HPCAL1: variants seen among roughly 807,000 people sequenced by gnomAD.
The protein encoded by HPCAL1 is hippocalcin-like protein 1.
In HPCAL1, 8 loss-of-function variants were observed where a neutral mutation model predicts 17.1. The observed-to-expected ratio is 0.47, with a 90% CI of 0.27 to 0.84. The LOEUF is 0.84. Among genes scored for constraint, HPCAL1 ranks in the 40% least tolerant of loss-of-function variants. The probability of loss-of-function intolerance (pLI) is 0.13; values close to 1 mark genes in which losing one functional copy is unlikely to be tolerated. For missense variants in HPCAL1, 165 were observed against 271.1 expected (o/e 0.61, Z 2.75); for synonymous variants, 112 against 111.4 (o/e 1.01, Z -0.03).
chr2:10,393,169 A>G (rs2125566403), intron 1 of HPCAL1, among the ~76,000 whole-genome samples: 1 of 152,332 alleles, frequency 6.6e-6, no homozygotes, highest in East Asian at 1.9e-4. Flanking sequence ...ACATAACTCA[A>G]CATAATTATT....
intron 1 of HPCAL1, among the ~76,000 whole-genome samples, chr2:10,349,839 CTT>C (rs1665729458): frequency 6.7e-6 from 1 of 148,798 alleles, no homozygotes; most frequent in Non-Finnish European, 1.5e-5. Context: ...CAAGACCTCT[CTT>C]GGATTATGGG....
chr2:10,374,829 T>A (rs1036989675), intron 1 of HPCAL1, among the ~76,000 whole-genome samples: 4 of 152,210 alleles, frequency 2.6e-5, no homozygotes, highest in Non-Finnish European at 5.9e-5. Context: ...TGTTGTTGGC[T>A]GATGTTGGCT....
At position 10,345,027 on chromosome 2, in the gene HPCAL1, CTA is replaced by C. The variant is rs565188538; in HGVS notation, c.-111+41852_-111+41853del. ...CCTTTCAGTCTCTTTCTGCCTCTCT[CTA>C]TGTGTCTGTTTCTCTCTCTCTCTCT... On this transcript the variant is annotated intron_variant, in intron 1 of 4. Coordinates refer to ENST00000307845, the MANE Select transcript of HPCAL1 (RefSeq NM_002149.4). Among the ~76,000 whole-genome samples, 462 of 152,036 alleles carry C rather than the reference CTA, an allele frequency of 3.0e-3. 7 individuals are homozygous for C. The highest frequency in any genetic ancestry group is 0.01 in the African/African-American group (430 of 41,402).
chr2:10,396,431 T>G (rs931517643), intron 1 of HPCAL1, among the ~76,000 whole-genome samples: 5 of 151,862 alleles, frequency 3.3e-5, no homozygotes, highest in African/African-American at 1.2e-4. Context: ...GAGTGTAGAG[T>G]GCTGGGTGAG....
chr2:10,333,897 G>T (rs897152772), intron 1 of HPCAL1, among the ~76,000 whole-genome samples: 18 of 152,216 alleles, frequency 1.2e-4, no homozygotes, highest in African/African-American at 4.3e-4. Flanking sequence ...AATGTCATCT[G>T]TGTCCAGATT....
At chr2:10,325,544 GGCCTGCTCAGAGCAGGTTTCCA>G (rs1440051084) in intron 1 of HPCAL1, among the ~76,000 whole-genome samples, 1 of 151,664 alleles carries the variant, frequency 6.6e-6, no homozygotes, top group African/African-American at 2.4e-5. Context: ...CTTCTGCAGA[GGCCTGCTCAGAGCAGGTTTCCA>G]GCAACCTTCC....
chr2:10,328,073 A>T (rs1307772331), intron 1 of HPCAL1, among the ~76,000 whole-genome samples: 1 of 152,208 alleles, frequency 6.6e-6, no homozygotes, highest in Non-Finnish European at 1.5e-5. Context: ...GCCCTATGTG[A>T]TGCGGAAAGA....
intron 1 of HPCAL1, among the ~76,000 whole-genome samples, chr2:10,358,778 A>G (rs373949647): frequency 3.3e-5 from 5 of 152,256 alleles, no homozygotes. Flanking sequence ...GGTGAGCTCA[A>G]TAAAACCTTG....
Position 10,394,206 on chromosome 2 carries a change from G to A in HPCAL1, c.-110-2629G>A, listed in dbSNP as rs779919202. ...GGGTTTGGGGATTTGTGTTTTGGGC[G>A]CCCCACACCCCATTTAGCCGAGTGT... On this transcript the variant is annotated intron_variant, in intron 1 of 4. Transcript: ENST00000307845. The surrounding 1 kb of genome is among the most constrained non-coding windows in gnomAD (Gnocchi z 5.0). Among the ~76,000 whole-genome samples the A allele has an allele frequency of 2.2e-4, 33 of 152,098 alleles. No homozygotes were observed. The highest frequency in any genetic ancestry group is 3.4e-4 in the Non-Finnish European group (23 of 68,028).
intron 2 of HPCAL1, among the ~76,000 whole-genome samples, chr2:10,418,931 C>T (rs1296958208): frequency 9.9e-5 from 15 of 152,096 alleles, no homozygotes; most frequent in Admixed American, 8.5e-4. Context: ...GAGGGTGGGC[C>T]GGGGACAGTG....
intron 1 of HPCAL1, among the ~76,000 whole-genome samples, chr2:10,306,020 C>T (rs1662600300): frequency 6.6e-6 from 1 of 152,178 alleles, no homozygotes; most frequent in African/African-American, 2.4e-5. Flanking sequence ...CAGTTGTCTC[C>T]CTGTGACACT....
intron 2 of HPCAL1, among the ~76,000 whole-genome samples, chr2:10,399,442 T>C (rs796147826): frequency 0.029 from 581 of 19,962 alleles, 1 homozygote; most frequent in Admixed American, 0.056. Context: ...ACCACCACCA[T>C]CACCATCACC....
At chr2:10,370,885 C>T (rs1324016624) in intron 1 of HPCAL1, among the ~76,000 whole-genome samples, 1 of 152,244 alleles carries the variant, frequency 6.6e-6, no homozygotes, top group Non-Finnish European at 1.5e-5. Context: ...GTTTCCTCAT[C>T]TCCAAGCTAA....
intron 1 of HPCAL1, among the ~76,000 whole-genome samples, chr2:10,360,798 C>T (rs1666473854): frequency 6.6e-6 from 1 of 151,982 alleles, no homozygotes; most frequent in Non-Finnish European, 1.5e-5. Flanking sequence ...GCCCTGTAGC[C>T]ATTCCAGCAT....
At chr2:10,400,199 A>G (rs1163152312) in intron 2 of HPCAL1, among the ~76,000 whole-genome samples, 2 of 152,162 alleles carry the variant, frequency 1.3e-5, no homozygotes, top group South Asian at 2.1e-4. Context: ...GGGGGCGAGC[A>G]GGCGGCTCAG....
At chr2:10,423,119 G>A (rs1318867065) in intron 4 of HPCAL1, 31 bp downstream of exon 4, 8 of 1,486,188 alleles carry the variant, frequency 5.4e-6, no homozygotes, top group Middle Eastern at 1.7e-4. Flanking sequence ...GGCTGCATGT[G>A]TACGCCACGG....
chr2:10,316,365 G>A (rs1353930972), intron 1 of HPCAL1, among the ~76,000 whole-genome samples: 1 of 152,010 alleles, frequency 6.6e-6, no homozygotes, highest in African/African-American at 2.4e-5. Flanking sequence ...CCAGAGAATG[G>A]GCCTGCTGGT....
At chr2:10,409,125 T>C (rs192539806) in intron 2 of HPCAL1, among the ~76,000 whole-genome samples, 27 of 152,352 alleles carry the variant, frequency 1.8e-4, no homozygotes, top group African/African-American at 5.5e-4. Flanking sequence ...GCGTGTATTT[T>C]ACACTAAGGG....
chr2:10,359,213 T>A lies in HPCAL1; in HGVS notation c.-110-37622T>A, dbSNP rs183399148. ...TCCTGCTGTTTTCTGAAATTCCTGG[T>A]GGCCACTCCCTTGGTGTCCATGGGT... On this transcript the variant is annotated intron_variant, in intron 1 of 4. Coordinates refer to ENST00000307845, the MANE Select transcript of HPCAL1 (RefSeq NM_002149.4). This position sits in a 1 kb window ranked among gnomAD's most constrained non-coding sequence, Gnocchi z 4.1. Among the ~76,000 whole-genome samples, 1 of 152,174 alleles carries A rather than the reference T, an allele frequency of 6.6e-6. No homozygotes were observed. Among genetic ancestry groups the A allele is most frequent in the Admixed American group, 6.5e-5 (1 of 15,286 alleles).
Sources: allele counts gnomAD v4.1 joint callset (sites outside exome capture counted in the v4.1 genomes callset), GRCh38; gene constraint gnomAD v4.1.1; non-coding constraint Gnocchi (gnomAD v3.1); transcripts MANE v1.5; gene names NCBI Gene and HGNC (gene_info 2026-07-23, HGNC 2026-07-21).